ANKRD10: variants seen among roughly 807,000 people sequenced by gnomAD.
The protein encoded by ANKRD10 is ankyrin repeat domain-containing protein 10.
In ANKRD10, 14 loss-of-function variants were observed where a neutral mutation model predicts 27.0. The observed-to-expected ratio is 0.52, with a 90% confidence interval of 0.34 to 0.81. ANKRD10 has a LOEUF of 0.81. Ranked by LOEUF, ANKRD10 falls within the 40% of genes least tolerant of loss-of-function variation. The probability of loss-of-function intolerance (pLI) is 0.01; values close to 1 mark genes in which losing one functional copy is unlikely to be tolerated. For synonymous variants in ANKRD10, 250 were observed against 224.5 expected, an observed-to-expected ratio of 1.11 and a Z score of -1.01; for missense variants, 493 against 544.0, an observed-to-expected ratio of 0.91 and a Z score of 0.93.
intron 3 of ANKRD10, among the ~76,000 whole-genome samples, chr13:110,899,842 C>A (rs2065335542): frequency 6.7e-6 from 1 of 149,272 alleles, no homozygotes; most frequent in South Asian, 2.1e-4. Flanking sequence ...AAAAAAAAAT[C>A]AAACTGGCAG....
chr13:110,908,634 G>C (rs2065604971), intron 2 of ANKRD10, among the ~76,000 whole-genome samples: 2 of 152,164 alleles, frequency 1.3e-5, no homozygotes, highest in African/African-American at 4.8e-5. Flanking sequence ...TGAGAAATGA[G>C]AGAAACTGTC....
intron 4 of ANKRD10, among the ~76,000 whole-genome samples, chr13:110,887,272 A>G (rs1212687016): frequency 6.6e-6 from 1 of 152,210 alleles, no homozygotes; most frequent in Admixed American, 6.5e-5. Flanking sequence ...TGTATGAGCT[A>G]TTCAGGATCA....
intron 5 of ANKRD10, among the ~76,000 whole-genome samples, chr13:110,881,220 A>G (rs1017372022): frequency 1.3e-5 from 2 of 152,236 alleles, no homozygotes; most frequent in African/African-American, 4.8e-5. Context: ...AAAGCAAAGC[A>G]TGTTATTAAA....
At chr13:110,889,701 T>A (rs902968200) in intron 4 of ANKRD10, among the ~76,000 whole-genome samples, 6 of 152,200 alleles carry the variant, frequency 3.9e-5, no homozygotes, top group African/African-American at 1.4e-4. Context: ...TTCCAAAGTG[T>A]TTTGGCTTTT....
intron 2 of ANKRD10, among the ~76,000 whole-genome samples, chr13:110,909,727 T>C (rs887320271): frequency 6.6e-6 from 1 of 152,204 alleles, no homozygotes; most frequent in Non-Finnish European, 1.5e-5. Context: ...GGTGGGTAGC[T>C]GGGTTTTTAG....
Position 110,912,086 on chromosome 13 carries a change from C to T in ANKRD10, c.211-1316G>A, listed in dbSNP as rs78801343. On this transcript the variant is annotated intron_variant, in intron 1 of 5. Coordinates refer to ENST00000267339, the MANE Select transcript of ANKRD10 (RefSeq NM_017664.4). ...ATAGCCTCTGGCTAAAATAATTTAG[C>T]GCATTCAACAAATTTACCAAGTGCC... Among the ~76,000 whole-genome samples the T allele has an allele frequency of 3.6e-3, 552 of 152,320 alleles. 6 individuals carry two copies. The East Asian group carries it at 0.041, about 11-fold the overall frequency.
rs906820941 is a variant in ANKRD10 at position 110,914,939 on chromosome 13, C to A, written c.-5G>T. 6.5e-7 allele frequency: 1 copy of A among 1,531,514 alleles called. No homozygotes were observed. Among genetic ancestry groups the A allele is most frequent in the South Asian group, 1.2e-5 (1 of 83,228 alleles). The allele number at this position is 1,531,514 out of a possible 1,614,324, so 94.9% of individuals were successfully genotyped here. A position where few individuals can be genotyped will look rare whatever the true frequency, so the allele number is the denominator to read the frequency against. On this transcript the variant is annotated 5_prime_UTR_variant, in exon 1 of 6. Transcript: ENST00000267339. ...GCCCGCTCCCGCCGCCGACATGGTC[C>A]GTCACCGGAGAGCGCGGGGCTCGCT...
chr13:110,914,605 T>C (rs545746921), intron 1 of ANKRD10, 120 bp downstream of exon 1: 4 of 1,399,430 alleles, frequency 2.9e-6, no homozygotes, highest in Admixed American at 2.7e-5. Context: ...ACAGGCGCCG[T>C]CGATCCCGCT....
chr13:110,912,104 C>T (rs1399010064), intron 1 of ANKRD10, among the ~76,000 whole-genome samples: 1 of 152,184 alleles, frequency 6.6e-6, no homozygotes, highest in Non-Finnish European at 1.5e-5. Context: ...ACAAATTTAC[C>T]AAGTGCCTAC....
intron 3 of ANKRD10, among the ~76,000 whole-genome samples, chr13:110,902,888 T>C (rs1360328670): frequency 1.3e-5 from 2 of 152,182 alleles, no homozygotes; most frequent in African/African-American, 4.8e-5. Flanking sequence ...CATCCTCCAC[T>C]TATCTCTCAA....
At chr13:110,902,863 T>G (rs1199659160) in intron 3 of ANKRD10, among the ~76,000 whole-genome samples, 1 of 137,622 alleles carries the variant, frequency 7.3e-6, no homozygotes, top group Non-Finnish European at 1.7e-5. Context: ...TTTTACTAGC[T>G]GGTTGATATG....
chr13:110,913,472 C>T (rs771491913), intron 1 of ANKRD10, among the ~76,000 whole-genome samples: 5 of 152,258 alleles, frequency 3.3e-5, no homozygotes, highest in Non-Finnish European at 7.3e-5. Flanking sequence ...AGGAACCTAA[C>T]AGCCCTTGAG....
At position 110,884,595 on chromosome 13, in the gene ANKRD10, C is replaced by T. The variant is rs539520390; in HGVS notation, c.692-802G>A. 2.6e-5 allele frequency among the ~76,000 whole-genome samples: 4 copies of T among 152,354 alleles called. No homozygotes were observed. The South Asian group carries it at 8.3e-4, about 32-fold the overall frequency. On this transcript the variant is annotated intron_variant, in intron 4 of 5. Coordinates refer to ENST00000267339, the MANE Select transcript of ANKRD10 (RefSeq NM_017664.4). The stretch of plus-strand genomic sequence containing the variant: ...ATTCATTTACCATGGCATAAATGTC[C>T]TATCAGTTAATTTCAAAACAATCTT...
intron 3 of ANKRD10, chr13:110,904,147 G>A (rs540641519): frequency 6.6e-6 from 1 of 152,250 alleles, no homozygotes; most frequent in South Asian, 2.1e-4. Context: ...TCTATCTCCA[G>A]GCCAAAGGCT....
intron 3 of ANKRD10, among the ~76,000 whole-genome samples, chr13:110,903,705 G>A (rs1226635854): frequency 6.6e-6 from 1 of 152,126 alleles, no homozygotes; most frequent in African/African-American, 2.4e-5. Context: ...AAGAGCAAAT[G>A]AATTTAATAA....
chr13:110,899,837 AAAATC>A (rs1482321689), intron 3 of ANKRD10, among the ~76,000 whole-genome samples: 1 of 152,200 alleles, frequency 6.6e-6, no homozygotes, highest in African/African-American at 2.4e-5. Flanking sequence ...GCAAAAAAAA[AAAATC>A]AAACTGGCAG....
At chr13:110,894,214 C>T (rs1182335102) in intron 3 of ANKRD10, 11 of 1,591,056 alleles carry the variant, frequency 6.9e-6, no homozygotes, top group East Asian at 2.2e-5. Flanking sequence ...TGTAAAAAAG[C>T]AGACATCCTG....
intron 4 of ANKRD10, among the ~76,000 whole-genome samples, chr13:110,888,508 G>C (rs181806121): frequency 6.6e-6 from 1 of 152,034 alleles, no homozygotes. Context: ...AGGACGTCAG[G>C]AGTTAAAGTG....
At chr13:110,898,524 C>T (rs1449965489) in intron 3 of ANKRD10, among the ~76,000 whole-genome samples, 6 of 152,162 alleles carry the variant, frequency 3.9e-5, no homozygotes, top group Non-Finnish European at 7.3e-5. Context: ...TGTTCTGTCA[C>T]AGTACTTTTT....
Sources: gnomAD v4.1 joint callset for allele counts (sites outside exome capture counted in the v4.1 genomes callset) on GRCh38, gnomAD v4.1.1 for gene constraint, MANE v1.5 for transcripts, NCBI Gene and HGNC (gene_info 2026-07-23, HGNC 2026-07-21) for gene names.